TADA2A: variants seen among roughly 807,000 people sequenced by gnomAD.
TADA2A encodes transcriptional adaptor 2A.
TADA2A carries 38 observed loss-of-function variants against 67.4 expected under a neutral mutation model. That is an observed-to-expected ratio of 0.56 (90% confidence interval 0.44 to 0.74). The LOEUF (loss-of-function observed/expected upper bound fraction) is 0.74, where lower values mean the gene tolerates loss of function less well. Ranked by LOEUF, TADA2A falls within the 30% of genes least tolerant of loss-of-function variation. TADA2A has a pLI of 0.00. For missense variants in TADA2A, 454 were observed against 547.0 expected (o/e 0.83, Z 1.70); for synonymous variants, 192 against 181.6 (o/e 1.06, Z -0.46).
intron 2 of TADA2A, among the ~76,000 whole-genome samples, chr17:37,419,400 C>G (rs1320516824): frequency 6.9e-6 from 1 of 145,890 alleles, no homozygotes; most frequent in African/African-American, 2.5e-5. Flanking sequence ...TCTCGAACTC[C>G]TGAGCTCAAG....
rs564008339 is a variant in TADA2A, at chr17:37,420,010, G to A, written c.26-3499G>A. Reference sequence around the variant, plus strand: ...AGCCTGGGCGACAGAGCAAGACTCCGTCTCAAAAAAAAAAACTACTTTGCT... The same window carrying A: ...AGCCTGGGCGACAGAGCAAGACTCCATCTCAAAAAAAAAAACTACTTTGCT... On this transcript the variant is annotated intron_variant, in intron 2 of 15. Coordinates refer to ENST00000615182, the MANE Select transcript of TADA2A (RefSeq NM_001166105.3). 1.4e-3 allele frequency among the ~76,000 whole-genome samples: 165 copies of A among 121,314 alleles called. 11 individuals carry two copies. Among genetic ancestry groups the A allele is most frequent in the African/African-American group, 4.1e-3 (151 of 36,758 alleles). The allele number at this position is 121,314 out of a possible 152,430, so 79.6% of individuals were successfully genotyped here. A position where few individuals can be genotyped will look rare whatever the true frequency, so the allele number is the denominator to read the frequency against.
chr17:37,467,408 C>G (rs377627723), intron 11 of TADA2A, 46 bp from the exon 12 acceptor site: 7 of 1,548,464 alleles, frequency 4.5e-6, no homozygotes, highest in Non-Finnish European at 6.2e-6. Context: ...ACTAATGTTG[C>G]TTTTGTTTTT....
At chr17:37,437,087 ATT>A (rs779706863) in intron 4 of TADA2A, among the ~76,000 whole-genome samples, 11 of 140,626 alleles carry the variant, frequency 7.8e-5, no homozygotes, top group Non-Finnish European at 7.8e-5. Flanking sequence ...TTTATTTTTA[ATT>A]TTTTTTTTTT....
chr17:37,468,799 T>G (rs906141708), intron 12 of TADA2A, among the ~76,000 whole-genome samples: 1 of 152,228 alleles, frequency 6.6e-6, no homozygotes, highest in Non-Finnish European at 1.5e-5. Flanking sequence ...GTTGTTTTGC[T>G]GTCATTGTTG....
At chr17:37,473,847 A>G (rs2053841806) in intron 14 of TADA2A, among the ~76,000 whole-genome samples, 1 of 152,226 alleles carries the variant, frequency 6.6e-6, no homozygotes, top group Non-Finnish European at 1.5e-5. Flanking sequence ...CTCACATAAT[A>G]AAAAAGAAGG....
chr17:37,451,146 G>C (rs932448831), intron 8 of TADA2A, among the ~76,000 whole-genome samples: 8 of 151,738 alleles, frequency 5.3e-5, no homozygotes, highest in African/African-American at 1.9e-4. Flanking sequence ...TTCCGCCTTA[G>C]CCTCACAAGT....
chr17:37,414,689 T>G (rs970402546), intron 2 of TADA2A, among the ~76,000 whole-genome samples: 1 of 152,156 alleles, frequency 6.6e-6, no homozygotes, highest in Non-Finnish European at 1.5e-5. Flanking sequence ...CATCATGGGC[T>G]TTTTTCTTGT....
intron 8 of TADA2A, among the ~76,000 whole-genome samples, chr17:37,447,515 C>T (rs1216796892): frequency 1.3e-5 from 2 of 151,950 alleles, no homozygotes; most frequent in Non-Finnish European, 2.9e-5. Context: ...TGGCTCACAC[C>T]TGTAATCCTA....
intron 6 of TADA2A, 113 bp downstream of exon 6, chr17:37,440,775 A>G: frequency 1.5e-6 from 2 of 1,313,932 alleles, no homozygotes; most frequent in Non-Finnish European, 2.1e-6. Context: ...CACGGAAGAT[A>G]GGAGGAGTTA....
intron 4 of TADA2A, among the ~76,000 whole-genome samples, chr17:37,432,049 ATT>A (rs112601671): frequency 2.0e-5 from 3 of 147,754 alleles, no homozygotes; most frequent in African/African-American, 7.4e-5. Flanking sequence ...CACTGTTCTG[ATT>A]TTTTTTTTTA....
chr17:37,426,831 C>T (rs1372322435), intron 3 of TADA2A, 119 bp from the exon 4 acceptor site: 2 of 869,330 alleles, frequency 2.3e-6, no homozygotes, highest in Non-Finnish European at 3.5e-6. Flanking sequence ...GGTGACAGAA[C>T]GAGACCCTGT....
chr17:37,438,604 C>T (rs1030108955), intron 5 of TADA2A, among the ~76,000 whole-genome samples: 5 of 152,154 alleles, frequency 3.3e-5, no homozygotes, highest in Non-Finnish European at 7.4e-5. Context: ...CTGCCTGCCT[C>T]CCTTATGTCC....
Sources: gnomAD v4.1 joint callset for allele counts (sites outside exome capture counted in the v4.1 genomes callset) on GRCh38, gnomAD v4.1.1 for gene constraint, MANE v1.5 for transcripts, NCBI Gene and HGNC (gene_info 2026-07-23, HGNC 2026-07-21) for gene names.